POLRMT: variants seen among roughly 807,000 people sequenced by gnomAD.
The protein encoded by POLRMT is DNA-directed RNA polymerase, mitochondrial.
A neutral mutation model predicts 132.2 loss-of-function variants in POLRMT; 114 were observed. That is an observed-to-expected ratio of 0.86 (90% CI 0.74 to 1.01). POLRMT has a LOEUF of 1.01. POLRMT is among the 50% of genes least tolerant of loss of function. The pLI, the probability that POLRMT is intolerant of heterozygous loss-of-function variation, is 0.00. For synonymous variants in POLRMT, 1,020 were observed against 773.4 expected (o/e 1.32, Z -5.29); for missense variants, 2,003 against 1,729.1 (o/e 1.16, Z -2.81).
Position 618,127 on chromosome 19 carries a change from T to TC in POLRMT, c.3423-279dup, listed in dbSNP as rs968000128. Reference sequence around the variant, plus strand: ...CTCCGAGGGCGGCTACGAGGTCCCCTCCTGCCAGGGCCACCACCCCGCATC... The same window carrying TC: ...CTCCGAGGGCGGCTACGAGGTCCCCTCCCTGCCAGGGCCACCACCCCGCATC... On this transcript the variant is annotated intron_variant, in intron 17 of 20. Coordinates refer to ENST00000588649, the MANE Select transcript of POLRMT (RefSeq NM_005035.4). 4.0e-4 allele frequency: 226 copies of TC among 566,954 alleles called. 1 individual carries two copies. The highest frequency in any genetic ancestry group is 5.5e-4 in the Non-Finnish European group (174 of 316,418). The allele number at this position is 566,954 out of a possible 1,614,324, so 35.1% of individuals were successfully genotyped here. A position where few individuals can be genotyped will look rare whatever the true frequency, so the allele number is the denominator to read the frequency against.
rs117015462 is a variant in POLRMT at position 618,851 on chromosome 19, T to G, written c.3268-91A>C. 5 of 1,456,180 alleles carry G rather than the reference T, an allele frequency of 3.4e-6. No individual in the cohort carries two copies. In the South Asian group the frequency reaches 6.1e-5, roughly 18 times the overall value. The allele number at this position is 1,456,180 out of a possible 1,614,324, so 90.2% of individuals were successfully genotyped here. A position where few individuals can be genotyped will look rare whatever the true frequency, so the allele number is the denominator to read the frequency against. ...GTGGTACACTGGGGTAGTGGCACGCTAGGATGGTGGCACACTGGCGCGGGA... is the reference window on the plus strand; with the variant it reads ...GTGGTACACTGGGGTAGTGGCACGCGAGGATGGTGGCACACTGGCGCGGGA... On this transcript the variant is annotated intron_variant, in intron 15 of 20. Transcript: ENST00000588649.
At chr19:618,631 C>T (rs1209209345) in intron 16 of POLRMT, 45 bp from the exon 17 acceptor site, 1 of 1,599,714 alleles carries the variant, frequency 6.3e-7, no homozygotes, top group Non-Finnish European at 8.5e-7. Context: ...AGGGACACCC[C>T]TAACTGGCCG....
At chr19:631,389 C>T (rs1286216880) in intron 2 of POLRMT, among the ~76,000 whole-genome samples, 1 of 151,560 alleles carries the variant, frequency 6.6e-6, no homozygotes, top group Non-Finnish European at 1.5e-5. Flanking sequence ...CCTGTAATCC[C>T]AGCACTTTAG....
chr19:627,285 G>A (rs1985093019), intron 3 of POLRMT, among the ~76,000 whole-genome samples: 1 of 151,664 alleles, frequency 6.6e-6, no homozygotes, highest in South Asian at 2.1e-4. Flanking sequence ...CCAAGTAGCT[G>A]GGACTGCAGG....
Position 617,340 on chromosome 19 carries a change from G to T in POLRMT, c.3644-17C>A, listed in dbSNP as rs752902236. ...CGAAGGCCCCTGCGGAGGAAGCAGA[G>T]CGGACGGCGTGGGTGGCGGGAAAGC... is the stretch of plus-strand genomic sequence containing the variant. On this transcript the variant is annotated splice_polypyrimidine_tract_variant and intron_variant, in intron 20 of 20. Transcript: ENST00000588649. The T allele has an allele frequency of 6.2e-7, 1 of 1,612,648 alleles. No homozygotes were observed. The highest frequency in any genetic ancestry group is 1.3e-5 in the African/African-American group (1 of 74,924).
chr19:630,435 T>C (rs1985333189), intron 2 of POLRMT, among the ~76,000 whole-genome samples: 1 of 151,530 alleles, frequency 6.6e-6, no homozygotes, highest in Non-Finnish European at 1.5e-5. Flanking sequence ...CAGCACCACG[T>C]CTCCCCGGTC....
intron 3 of POLRMT, among the ~76,000 whole-genome samples, chr19:628,639 G>GA (rs1985194320): frequency 2.0e-5 from 3 of 152,002 alleles, no homozygotes; most frequent in East Asian, 1.9e-4. Flanking sequence ...CATGGGGGGG[G>GA]AGAAAGCTGG....
Position 621,851 on chromosome 19 carries a change from G to A in POLRMT, c.1852-5C>T, listed in dbSNP as rs1232428403. 1 of 1,601,296 alleles carries A rather than the reference G, an allele frequency of 6.2e-7. No individual in the cohort carries two copies. The highest frequency in any genetic ancestry group is 1.3e-5 in the African/African-American group (1 of 74,936). On this transcript the variant is annotated splice_polypyrimidine_tract_variant and splice_region_variant and intron_variant, in intron 9 of 20. Coordinates refer to ENST00000588649, the MANE Select transcript of POLRMT (RefSeq NM_005035.4). ...GTGCGGCTTCAGGATGCCGATCTGG[G>A]GTGCGACAGGCAGACGGGTCAGGGC... is the stretch of plus-strand genomic sequence containing the variant.
chr19:624,712 G>T lies in POLRMT; in HGVS notation c.1140+7C>A. On this transcript the variant is annotated splice_region_variant and intron_variant, in intron 5 of 20. Coordinates refer to ENST00000588649, the MANE Select transcript of POLRMT (RefSeq NM_005035.4). Reference sequence around the variant, plus strand: ...ACTGAAGTCTGCCGGGGCCCACGTGGGCTCACCTTGGCATACACGTCCCTG... The same window carrying T: ...ACTGAAGTCTGCCGGGGCCCACGTGTGCTCACCTTGGCATACACGTCCCTG... 6.2e-7 allele frequency: 1 copy of T among 1,610,762 alleles called. No individual in the cohort carries two copies. The highest frequency in any genetic ancestry group is 8.5e-7 in the Non-Finnish European group (1 of 1,177,946).
At position 629,679 on chromosome 19, in the gene POLRMT, G is replaced by A. The variant is rs769156540; in HGVS notation, c.683C>T (p.Ala228Val). Residue 228 changes from alanine (A) to valine (V), a missense_variant, in exon 3 of 21, where the codon GCC (alanine) becomes GTC (valine). Transcript: ENST00000588649. ...AGTGAGCAGGCAGCACTTGAAGAAG[G>A]CCAGGAGCCTCTGCTGCTGACCTGA... is the stretch of plus-strand genomic sequence containing the variant. Reference protein sequence around the residue: ...QLSGQQQRLLAFFKCCLLTDQ... With the variant: ...QLSGQQQRLLVFFKCCLLTDQ... The A allele has an allele frequency of 1.9e-6, 3 of 1,609,174 alleles. No homozygotes were observed. The highest frequency in any genetic ancestry group is 1.7e-5 in the Admixed American group (1 of 59,790).
chr19:632,995 T>A (rs1985540191), intron 1 of POLRMT, 57 bp from the exon 2 acceptor site: 1 of 1,283,792 alleles, frequency 7.8e-7, no homozygotes, highest in Non-Finnish European at 1.0e-6. Context: ...GGGGCCTCCA[T>A]AAAGGCAGAA....
chr19:622,058 G>T, intron 9 of POLRMT, 91 bp downstream of exon 9: 2 of 1,288,704 alleles, frequency 1.6e-6, no homozygotes, highest in Non-Finnish European at 2.1e-6. Context: ...GCTGCGCTGA[G>T]ATCAAGGCTC....
intron 15 of POLRMT, 104 bp downstream of exon 15, chr19:618,893 G>T: frequency 7.4e-7 from 1 of 1,356,232 alleles, no homozygotes; most frequent in Non-Finnish European, 1.0e-6. Context: ...GGCACACTGG[G>T]GCGGTGGTAC....
Position 633,444 on chromosome 19 carries a change from C to T in POLRMT, c.69G>A (p.Pro23=), listed in dbSNP as rs775094223. Residue 23 remains proline (P), a synonymous_variant, in exon 1 of 21, where the codon CCG becomes CCA. Coordinates refer to ENST00000588649, the MANE Select transcript of POLRMT (RefSeq NM_005035.4). Reference sequence around the variant, plus strand: ...TGTTACCTTCTTTGCCGGGGAGTCCCGGGCGGCCGCAAGGCCGTAGGGCTC... The same window carrying T: ...TGTTACCTTCTTTGCCGGGGAGTCCTGGGCGGCCGCAAGGCCGTAGGGCTC... ...LKRALRPCGR[P]GLPGKEGTAG... 4 of 1,555,066 alleles carry T rather than the reference C, an allele frequency of 2.6e-6. No individual in the cohort carries two copies. The highest frequency in any genetic ancestry group is 1.4e-5 in the African/African-American group (1 of 70,368).
intron 15 of POLRMT, 30 bp from the exon 16 acceptor site, chr19:618,790 ACCCGAGGCCCAG>A: frequency 3.2e-6 from 5 of 1,572,032 alleles, no homozygotes; most frequent in Non-Finnish European, 4.3e-6. Flanking sequence ...GGTGAGTCCC[ACCCGAGGCCCAG>A]CACGGTGGTG....
At chr19:618,627 A>C (rs751957145) in intron 16 of POLRMT, 41 bp from the exon 17 acceptor site, 1 of 1,593,146 alleles carries the variant, frequency 6.3e-7, no homozygotes, top group East Asian at 2.3e-5. Context: ...GCCCAGGGAC[A>C]CCCCTAACTG....
intron 2 of POLRMT, among the ~76,000 whole-genome samples, chr19:632,435 C>T (rs1416144093): frequency 6.6e-6 from 1 of 152,126 alleles, no homozygotes; most frequent in Non-Finnish European, 1.5e-5. Flanking sequence ...CGCAGTCATC[C>T]AGTCTCCATT....
chr19:630,329 C>T (rs1352136386), intron 2 of POLRMT, among the ~76,000 whole-genome samples, 161 bp from the exon 3 acceptor site: 3 of 152,100 alleles, frequency 2.0e-5, no homozygotes, highest in African/African-American at 4.8e-5. Context: ...AAGGTCTGCC[C>T]GCTGCTTTCC....
At chr19:619,863 T>A (rs1984366092) in intron 12 of POLRMT, 95 bp downstream of exon 12, 1 of 1,575,462 alleles carries the variant, frequency 6.3e-7, no homozygotes, top group African/African-American at 1.3e-5. Flanking sequence ...CACCACATCC[T>A]CAGGACAGGC....
Sources: gnomAD v4.1 joint callset for allele counts (sites outside exome capture counted in the v4.1 genomes callset) on GRCh38, gnomAD v4.1.1 for gene constraint, MANE v1.5 for transcripts, NCBI Gene and HGNC (gene_info 2026-07-23, HGNC 2026-07-21) for gene names.